Variants in CNTN5 observed in about 807,000 individuals in gnomAD.
CNTN5 encodes the protein contactin 5, also known as contactin-5.
A neutral mutation model predicts 129.1 loss-of-function variants in CNTN5; 77 were observed. That is an observed-to-expected ratio of 0.60 (90% CI 0.50 to 0.72). The LOEUF is 0.72. Among genes scored for constraint, CNTN5 ranks in the 30% least tolerant of loss-of-function variants. The pLI is 0.00. For synonymous variants in CNTN5, 509 were observed against 465.6 expected (o/e 1.09, Z -1.20); for missense variants, 1,478 against 1,328.8 (o/e 1.11, Z -1.75).
At chr11:99,857,524 A>T (rs2135750780) in intron 6 of CNTN5, among the ~76,000 whole-genome samples, 1 of 152,344 alleles carries the variant, frequency 6.6e-6, no homozygotes, top group East Asian at 1.9e-4. Flanking sequence ...CAAATAGATG[A>T]TAGTCAAATA....
intron 3 of CNTN5, among the ~76,000 whole-genome samples, chr11:99,659,091 A>T (rs569600383): frequency 5.3e-5 from 8 of 152,022 alleles, no homozygotes; most frequent in Admixed American, 4.6e-4. Flanking sequence ...ACACTTACTC[A>T]TGGGCTTTGG....
chr11:99,630,892 G>A (rs1565368122), intron 3 of CNTN5, among the ~76,000 whole-genome samples: 2 of 152,230 alleles, frequency 1.3e-5, no homozygotes, highest in East Asian at 1.9e-4. Context: ...TCCTGTTCAT[G>A]CACATTGAAA....
chr11:99,363,432 A>T (rs2136113247), intron 2 of CNTN5, among the ~76,000 whole-genome samples: 1 of 152,218 alleles, frequency 6.6e-6, no homozygotes, highest in East Asian at 1.9e-4. Flanking sequence ...TTACAATACC[A>T]AGTTTATTTG....
chr11:100,133,693 T>A (rs1032088906), intron 13 of CNTN5, among the ~76,000 whole-genome samples: 1 of 152,128 alleles, frequency 6.6e-6, no homozygotes, highest in African/African-American at 2.4e-5. Flanking sequence ...CTGCTCTCTG[T>A]TCTCAGCAAC....
chr11:99,516,037 C>G (rs1004653842), intron 2 of CNTN5, among the ~76,000 whole-genome samples: 3 of 151,258 alleles, frequency 2.0e-5, no homozygotes, highest in Middle Eastern at 3.2e-3. Flanking sequence ...TTACCCTACA[C>G]TAAAACAGTG....
intron 3 of CNTN5, among the ~76,000 whole-genome samples, chr11:99,700,577 G>A (rs569664283): frequency 6.6e-6 from 1 of 151,456 alleles, no homozygotes; most frequent in East Asian, 1.9e-4. Flanking sequence ...CAAGTACTTA[G>A]TGACCTTGTT....
intron 8 of CNTN5, among the ~76,000 whole-genome samples, chr11:99,982,898 C>T (rs867086238): frequency 6.6e-6 from 1 of 152,124 alleles, no homozygotes; most frequent in African/African-American, 2.4e-5. Context: ...ACCTCGGCCT[C>T]CCAAAGTGCT....
intron 2 of CNTN5, among the ~76,000 whole-genome samples, chr11:99,456,588 A>G (rs1477831011): frequency 6.6e-6 from 1 of 152,094 alleles, no homozygotes; most frequent in African/African-American, 2.4e-5. Flanking sequence ...TTGTGACAGA[A>G]GAGTTCATCT....
intron 3 of CNTN5, among the ~76,000 whole-genome samples, chr11:99,624,462 G>C (rs1353948874): frequency 3.9e-5 from 6 of 152,080 alleles, no homozygotes; most frequent in Non-Finnish European, 7.4e-5. Context: ...TTCAAATAAT[G>C]TTTGAGTTTC....
In CNTN5 at chr11:99,500,988, G is replaced by A. The variant is rs1013745487; in HGVS notation, c.-70-55157G>A. On this transcript the variant is annotated intron_variant, in intron 2 of 24. Transcript: ENST00000524871. Reference sequence around the variant, plus strand: ...AAGACTTCAGAAATTTGTGTGCACAGTGAAGATCCTTGATATATGCACCAT... The same window carrying A: ...AAGACTTCAGAAATTTGTGTGCACAATGAAGATCCTTGATATATGCACCAT... Among the ~76,000 whole-genome samples, 5 of 152,162 alleles carry A rather than the reference G, an allele frequency of 3.3e-5. No homozygotes were observed. The East Asian group carries it at 9.6e-4, about 29-fold the overall frequency.
intron 9 of CNTN5, among the ~76,000 whole-genome samples, chr11:100,051,991 G>C (rs1942978789): frequency 6.6e-6 from 1 of 151,842 alleles, no homozygotes; most frequent in Admixed American, 6.6e-5. Context: ...TAGTTTCGTT[G>C]ATGAATTCTA....
At chr11:99,088,703 T>C (rs902433163) in intron 1 of CNTN5, among the ~76,000 whole-genome samples, 2 of 152,160 alleles carry the variant, frequency 1.3e-5, no homozygotes, top group African/African-American at 4.8e-5. Flanking sequence ...ATCTAGGCAC[T>C]GAGTAGCCAA....
chr11:99,246,559 C>T (rs536661392), intron 1 of CNTN5, among the ~76,000 whole-genome samples: 1 of 152,222 alleles, frequency 6.6e-6, no homozygotes, highest in South Asian at 2.1e-4. Flanking sequence ...TATGATTGTC[C>T]ATATAAATAC....
At chr11:99,297,952 G>A (rs377160368) in intron 1 of CNTN5, among the ~76,000 whole-genome samples, 2 of 152,092 alleles carry the variant, frequency 1.3e-5, no homozygotes, top group African/African-American at 4.8e-5. Flanking sequence ...TGCAGTTTCT[G>A]TTGCGACTCC....
chr11:99,251,570 TA>T (rs1489340157), intron 1 of CNTN5, among the ~76,000 whole-genome samples: 1 of 151,908 alleles, frequency 6.6e-6, no homozygotes, highest in Non-Finnish European at 1.5e-5. Flanking sequence ...TTTCTAGATT[TA>T]AAAAATGAAT....
chr11:99,220,555 T>A (rs1860347605), intron 1 of CNTN5, among the ~76,000 whole-genome samples: 1 of 151,884 alleles, frequency 6.6e-6, no homozygotes, highest in South Asian at 2.1e-4. Context: ...AGATCAAAAA[T>A]CACGATTTTC....
intron 2 of CNTN5, among the ~76,000 whole-genome samples, chr11:99,364,976 T>C (rs185951226): frequency 1.3e-5 from 2 of 152,160 alleles, no homozygotes; most frequent in East Asian, 1.9e-4. Flanking sequence ...AGATTGGAGA[T>C]ACAGAGACAG....
At chr11:99,241,318 G>GTTTGTTTTTT (rs1861542801) in intron 1 of CNTN5, among the ~76,000 whole-genome samples, 1 of 88,050 alleles carries the variant, frequency 1.1e-5, no homozygotes, top group African/African-American at 4.4e-5. Flanking sequence ...TTGATTGTTG[G>GTTTGTTTTTT]TTTTTTTTTT....
intron 6 of CNTN5, among the ~76,000 whole-genome samples, chr11:99,860,338 T>A (rs1227244020): frequency 6.6e-6 from 1 of 152,146 alleles, no homozygotes; most frequent in Non-Finnish European, 1.5e-5. Flanking sequence ...TTTTAGCTTA[T>A]GTTGCATTTG....
Sources: gnomAD v4.1 joint callset for allele counts (sites outside exome capture counted in the v4.1 genomes callset) on GRCh38, gnomAD v4.1.1 for gene constraint, MANE v1.5 for transcripts, NCBI Gene and HGNC (gene_info 2026-07-23, HGNC 2026-07-21) for gene names.